The following SLC6A15 variants were observed in gnomAD, a reference collection of about 807,000 sequenced individuals.
SLC6A15 encodes solute carrier family 6 member 15.
SLC6A15 carries 33 observed loss-of-function variants against 68.5 expected under a neutral mutation model. The ratio of observed to expected loss-of-function variants is 0.48; its 90% CI spans 0.37 to 0.64. The LOEUF is 0.64. SLC6A15 is among the 30% of genes least tolerant of loss of function. The pLI, the probability that SLC6A15 is intolerant of heterozygous loss-of-function variation, is 0.00. For missense variants in SLC6A15, 747 were observed against 874.3 expected (o/e 0.85, Z 1.84); for synonymous variants, 347 against 301.0 (o/e 1.15, Z -1.58).
chr12:84,867,450 C>T (rs1485769068), intron 9 of SLC6A15: 8 of 235,462 alleles, frequency 3.4e-5, no homozygotes. Context: ...TTACCAAGTA[C>T]AATAATAAAT....
chr12:84,870,802 A>C, intron 8 of SLC6A15, 132 bp from the exon 9 acceptor site: 1 of 521,860 alleles, frequency 1.9e-6, no homozygotes, highest in Non-Finnish European at 3.3e-6. Context: ...TGCTCAAATC[A>C]GCTCTTAACC....
chr12:84,875,723 T>G (rs1414842809), intron 6 of SLC6A15, among the ~76,000 whole-genome samples: 1 of 125,398 alleles, frequency 8.0e-6, no homozygotes, highest in African/African-American at 2.9e-5. Flanking sequence ...GTGGTCCCTG[T>G]TAAAGCAGTA....
At position 84,885,457 on chromosome 12, in the gene SLC6A15, C is replaced by A. The variant is rs1872051836; in HGVS notation, c.552G>T (p.Leu184Phe). The A allele has an allele frequency of 1.2e-6, 2 of 1,612,492 alleles. No individual in the cohort carries two copies. The highest frequency in any genetic ancestry group is 1.3e-5 in the African/African-American group (1 of 74,876). The change falls in exon 4 of 12, where the codon TTG (leucine) becomes TTT (phenylalanine). Residue 184 changes from leucine to phenylalanine, a missense_variant. Leu to Phe is a conservative substitution (Grantham distance 22). Coordinates refer to ENST00000266682, the MANE Select transcript of SLC6A15 (RefSeq NM_182767.6). ...QQPLPWDQCP[L>F]VKNASHTFVE... The stretch of plus-strand genomic sequence containing the variant: ...TACAAGTGTGTGAAGCATTTTTCAC[C>A]AAAGGACACTGATCCCAAGGCAGGG...
intron 1 of SLC6A15, among the ~76,000 whole-genome samples, chr12:84,895,480 C>A (rs1309291911): frequency 2.0e-5 from 3 of 150,276 alleles, no homozygotes; most frequent in Non-Finnish European, 4.4e-5. Context: ...TCTTGGGTAG[C>A]TGGGATTACA....
chr12:84,889,790 G>A (rs983211955), intron 2 of SLC6A15, among the ~76,000 whole-genome samples: 1 of 152,240 alleles, frequency 6.6e-6, no homozygotes, highest in Non-Finnish European at 1.5e-5. Context: ...GCCTGTGAAA[G>A]GTCACATGGG....
intron 1 of SLC6A15, among the ~76,000 whole-genome samples, chr12:84,904,220 A>AGG (rs1464444857): frequency 3.8e-5 from 5 of 130,238 alleles, no homozygotes; most frequent in East Asian, 2.2e-4. Context: ...GGAGGGGCGG[A>AGG]GGGGGAGAGA....
intron 1 of SLC6A15, among the ~76,000 whole-genome samples, chr12:84,899,649 G>T (rs73178477): frequency 0.014 from 2,135 of 152,042 alleles, 19 homozygotes; most frequent in Non-Finnish European, 0.021. Flanking sequence ...ACCCCAAATG[G>T]CTTACAAATT....
In SLC6A15 at chr12:84,872,746, C is replaced by T; in HGVS notation, c.1158G>A (p.Gln386=). The T allele has an allele frequency of 1.2e-6, 2 of 1,609,746 alleles. No individual in the cohort carries two copies. Among genetic ancestry groups the T allele is most frequent in the Non-Finnish European group, 1.7e-6 (2 of 1,178,992 alleles). The change falls in exon 8 of 12, where the codon CAG becomes CAA. Residue 386 remains glutamine (Q), a synonymous_variant. Transcript: ENST00000266682. ...GGTTGATATGATGGGGAATAATATC[C>T]TGACTAATGTTCCCCATTTTCAAAA... The part of the protein sequence containing the change: ...MKFLKMGNIS[Q]DIIPHHINLS...
At chr12:84,901,980 C>T (rs562770509) in intron 1 of SLC6A15, among the ~76,000 whole-genome samples, 2 of 151,656 alleles carry the variant, frequency 1.3e-5, no homozygotes. Flanking sequence ...CTGTAATGCT[C>T]AAGAAAAATT....
chr12:84,880,522 T>C (rs958028415), intron 5 of SLC6A15, among the ~76,000 whole-genome samples: 2 of 152,232 alleles, frequency 1.3e-5, no homozygotes, highest in Admixed American at 6.5e-5. Context: ...GACAGGCACA[T>C]TGTTTACCTT....
chr12:84,905,649 A>C (rs1012214180), intron 1 of SLC6A15, among the ~76,000 whole-genome samples: 38 of 152,236 alleles, frequency 2.5e-4, no homozygotes, highest in African/African-American at 9.2e-4. Flanking sequence ...TCAGATGCTC[A>C]AGTCCCACAT....
intron 1 of SLC6A15, among the ~76,000 whole-genome samples, chr12:84,903,413 T>A (rs888982708): frequency 3.3e-5 from 5 of 152,134 alleles, no homozygotes; most frequent in African/African-American, 1.2e-4. Flanking sequence ...AATATACTAA[T>A]ATGCCCTAAA....
chr12:84,895,572 C>G (rs1872605739), intron 1 of SLC6A15, among the ~76,000 whole-genome samples: 1 of 151,808 alleles, frequency 6.6e-6, no homozygotes, highest in Non-Finnish European at 1.5e-5. Flanking sequence ...TGGTCTTGAA[C>G]TCCTGACCTC....
In SLC6A15 at chr12:84,883,830, A is replaced by G. The variant is rs777486122; in HGVS notation, c.756+29T>C. ...GATGAATCCAGAAATGGTGATTAGC[A>G]GAATGAGGAAGGGCTCTAACATACT... On this transcript the variant is annotated intron_variant, in intron 5 of 11. Coordinates refer to ENST00000266682, the MANE Select transcript of SLC6A15 (RefSeq NM_182767.6). 3 of 1,614,132 alleles carry G rather than the reference A, an allele frequency of 1.9e-6. No individual in the cohort carries two copies. In the South Asian group the frequency reaches 3.3e-5, roughly 18 times the overall value.
chr12:84,886,303 A>C (rs1872100851), intron 2 of SLC6A15, among the ~76,000 whole-genome samples: 1 of 152,138 alleles, frequency 6.6e-6, no homozygotes, highest in African/African-American at 2.4e-5. Context: ...ATATTAATGA[A>C]TAGCTTTAGC....
intron 1 of SLC6A15, among the ~76,000 whole-genome samples, chr12:84,893,553 T>G (rs993556810): frequency 6.6e-6 from 1 of 152,190 alleles, no homozygotes; most frequent in Non-Finnish European, 1.5e-5. Flanking sequence ...TGACTGCTTC[T>G]CTTCAAATCT....
chr12:84,865,311 C>T (rs1485110345), intron 10 of SLC6A15, among the ~76,000 whole-genome samples: 1 of 152,144 alleles, frequency 6.6e-6, no homozygotes, highest in African/African-American at 2.4e-5. Context: ...TTTTTAAGAG[C>T]AATTTTAGGT....
In SLC6A15 at chr12:84,867,085, A is replaced by G. The variant is rs1206812259; in HGVS notation, c.1604T>C (p.Ile535Thr). The G allele has an allele frequency of 3.1e-6, 5 of 1,611,666 alleles. No homozygotes were observed. The African/African-American group carries it at 5.3e-5, about 17-fold the overall frequency. ...DDYSATLPLL[I>T]VVILENIAVC... ...AGCAATATTCTCCAAAATGACTACAATTAGCAGAGGCAGTGTAGCAGAATA... is the reference window on the plus strand; with the variant it reads ...AGCAATATTCTCCAAAATGACTACAGTTAGCAGAGGCAGTGTAGCAGAATA... Residue 535 changes from isoleucine (I) to threonine (T), a missense_variant, in exon 10 of 12, where the codon ATT becomes ACT. Transcript: ENST00000266682.
At chr12:84,903,189 A>G (rs2120725687) in intron 1 of SLC6A15, among the ~76,000 whole-genome samples, 1 of 152,290 alleles carries the variant, frequency 6.6e-6, no homozygotes, top group Non-Finnish European at 1.5e-5. Context: ...ACTTCTGTGA[A>G]TCAAAGATAG....
Sources: allele counts gnomAD v4.1 joint callset (sites outside exome capture counted in the v4.1 genomes callset), GRCh38; gene constraint gnomAD v4.1.1; transcripts MANE v1.5; gene names NCBI Gene and HGNC (gene_info 2026-07-23, HGNC 2026-07-21).